The following PODXL2 variants were observed in gnomAD, a reference collection of about 807,000 sequenced individuals.
The protein encoded by PODXL2 is podocalyxin like 2, also known as podocalyxin-like protein 2.
In PODXL2, 17 loss-of-function variants were observed where a neutral mutation model predicts 53.4. The ratio of observed to expected loss-of-function variants is 0.32; its 90% CI spans 0.22 to 0.48. The LOEUF (loss-of-function observed/expected upper bound fraction) is 0.48, where lower values mean the gene tolerates loss of function less well. Among genes scored for constraint, PODXL2 ranks in the 20% least tolerant of loss-of-function variants. The pLI is 0.99. For synonymous variants in PODXL2, 311 were observed against 306.7 expected (o/e 1.01, Z -0.15); for missense variants, 673 against 760.0 (o/e 0.89, Z 1.35).
At chr3:127,645,015 ATCT>A (rs2074644280) in intron 2 of PODXL2, among the ~76,000 whole-genome samples, 1 of 152,230 alleles carries the variant, frequency 6.6e-6, no homozygotes, top group Admixed American at 6.5e-5. Flanking sequence ...GGAGTTGCCC[ATCT>A]TCTTCTCAAA....
At chr3:127,653,847 G>A (rs1195230506) in intron 2 of PODXL2, among the ~76,000 whole-genome samples, 2 of 152,194 alleles carry the variant, frequency 1.3e-5, no homozygotes, top group East Asian at 3.8e-4. Flanking sequence ...ATATGGAGAT[G>A]CAGATCTGTA....
At chr3:127,671,288 C>G in intron 6 of PODXL2, 146 bp from the exon 7 acceptor site, 1 of 701,616 alleles carries the variant, frequency 1.4e-6, no homozygotes, top group Non-Finnish European at 2.4e-6. Context: ...GAGGCAAGCC[C>G]AGGCGCCAGG....
intron 4 of PODXL2, 102 bp downstream of exon 4, chr3:127,662,413 G>T (rs975839096): frequency 5.6e-5 from 45 of 809,230 alleles, no homozygotes; most frequent in Admixed American, 1.3e-4. Context: ...GTGGGAGAAG[G>T]CTTAGTCCTT....
chr3:127,639,655 C>A, intron 2 of PODXL2, 132 bp downstream of exon 2: 1 of 875,994 alleles, frequency 1.1e-6, no homozygotes, highest in South Asian at 1.7e-5. Flanking sequence ...CTGCTGTTTA[C>A]CTGCACATCA....
At chr3:127,662,669 A>G (rs1396912152) in intron 4 of PODXL2, among the ~76,000 whole-genome samples, 1 of 152,102 alleles carries the variant, frequency 6.6e-6, no homozygotes, top group Non-Finnish European at 1.5e-5. Flanking sequence ...TTTCATATAT[A>G]TACATGCTCT....
At chr3:127,664,078 G>C (rs1050011597) in intron 4 of PODXL2, among the ~76,000 whole-genome samples, 14 of 152,078 alleles carry the variant, frequency 9.2e-5, no homozygotes, top group Admixed American at 7.9e-4. Context: ...CATTGTTGTG[G>C]AACAGAGCCC....
At position 127,672,735 on chromosome 3, in the gene PODXL2, C is replaced by G. The variant is rs1473160725; in HGVS notation, c.*255C>G. The G allele has an allele frequency of 1.7e-5, 7 of 408,280 alleles. No homozygotes were observed. The highest frequency in any genetic ancestry group is 3.0e-5 in the Non-Finnish European group (7 of 234,694). The allele number at this position is 408,280 out of a possible 1,614,324, so 25.3% of individuals were successfully genotyped here. A position where few individuals can be genotyped will look rare whatever the true frequency, so the allele number is the denominator to read the frequency against. On this transcript the variant is annotated 3_prime_UTR_variant, in exon 8 of 8. Transcript: ENST00000342480. ...CGCCCCTGAACCCCGGCCCCGCGGG[C>G]GGCGGGCGGCGCTTCCTGCGCCCCG...
At chr3:127,659,400 T>C (rs1396343125) in intron 2 of PODXL2, among the ~76,000 whole-genome samples, 1 of 152,222 alleles carries the variant, frequency 6.6e-6, no homozygotes, top group African/African-American at 2.4e-5. Context: ...GTTTTTGTCA[T>C]TTGATAAAAG....
In PODXL2 at chr3:127,629,834, T is replaced by G. The variant is rs2074531318; in HGVS notation, c.70+545T>G. 6.6e-6 allele frequency among the ~76,000 whole-genome samples: 1 copy of G among 151,818 alleles called. No individual in the cohort carries two copies. The highest frequency in any genetic ancestry group is 2.4e-5 in the African/African-American group (1 of 41,310). ...TGAGTGTGTCACGGTGAATGGGTAT[T>G]CTCTCCTGTTCTGGGCGACTCTATT... On this transcript the variant is annotated intron_variant, in intron 1 of 7. Transcript: ENST00000342480. This position sits in a 1 kb window ranked among gnomAD's most constrained non-coding sequence, Gnocchi z 6.4.
intron 2 of PODXL2, among the ~76,000 whole-genome samples, chr3:127,648,184 A>G (rs1350041381): frequency 6.6e-6 from 1 of 152,246 alleles, no homozygotes; most frequent in Non-Finnish European, 1.5e-5. Flanking sequence ...TGAGAGTTCT[A>G]CTTCAAGATC....
intron 2 of PODXL2, 102 bp from the exon 3 acceptor site, chr3:127,660,276 C>A: frequency 6.8e-7 from 1 of 1,467,442 alleles, no homozygotes; most frequent in Admixed American, 2.1e-5. Context: ...GACCCCTGCC[C>A]TGTCAGTGTA....
intron 4 of PODXL2, among the ~76,000 whole-genome samples, chr3:127,667,110 A>G (rs936795048): frequency 1.3e-5 from 2 of 152,266 alleles, no homozygotes; most frequent in Non-Finnish European, 1.5e-5. Flanking sequence ...CCAGGTACCC[A>G]TCTTCTCCCA....
At chr3:127,651,681 G>C (rs1284114315) in intron 2 of PODXL2, among the ~76,000 whole-genome samples, 2 of 152,242 alleles carry the variant, frequency 1.3e-5, no homozygotes, top group African/African-American at 4.8e-5. Flanking sequence ...TTAGGACCCT[G>C]ACCCTAACCA....
Position 127,660,866 on chromosome 3 carries a change from G to C in PODXL2, c.838G>C (p.Glu280Gln), listed in dbSNP as rs371981746. 9 of 1,614,118 alleles carry C rather than the reference G, an allele frequency of 5.6e-6. No homozygotes were observed. In the African/African-American group the frequency reaches 1.1e-4, roughly 19 times the overall value. ...LPAAGLGVEF[E>Q]APQEASEEAT... ...AGCTGCAGGGCTTGGGGTAGAGTTC[G>C]AGGCTCCTCAGGAAGCAAGCGAGGA... Residue 280 changes from glutamate to glutamine, a missense_variant, in exon 3 of 8, where the codon GAG becomes CAG. Transcript: ENST00000342480.
intron 3 of PODXL2, 58 bp from the exon 4 acceptor site, chr3:127,662,179 C>T (rs1215946399): frequency 6.7e-7 from 1 of 1,481,538 alleles, no homozygotes; most frequent in Non-Finnish European, 9.4e-7. Context: ...GGGCTCTCTC[C>T]CCTGTCCCTT....
At chr3:127,668,682 A>G (rs953723758) in intron 5 of PODXL2, 85 bp downstream of exon 5, 7 of 1,290,346 alleles carry the variant, frequency 5.4e-6, no homozygotes, top group Non-Finnish European at 7.2e-6. Flanking sequence ...AAGTGCACGC[A>G]TAAGGGCTTT....
chr3:127,654,326 T>C (rs1389947383), intron 2 of PODXL2, among the ~76,000 whole-genome samples: 1 of 152,192 alleles, frequency 6.6e-6, no homozygotes, highest in Non-Finnish European at 1.5e-5. Context: ...TGATGCTGTA[T>C]CTTCTTAGTG....
intron 2 of PODXL2, among the ~76,000 whole-genome samples, chr3:127,644,645 T>A (rs2074642287): frequency 6.6e-6 from 1 of 152,212 alleles, no homozygotes; most frequent in African/African-American, 2.4e-5. Context: ...TCTCTTCCTC[T>A]CCCATTTCCT....
intron 2 of PODXL2, among the ~76,000 whole-genome samples, chr3:127,651,194 C>T (rs1169146273): frequency 3.9e-5 from 6 of 152,182 alleles, no homozygotes; most frequent in East Asian, 1.9e-4. Flanking sequence ...ACCCAGGAGG[C>T]GGAGGTTGCA....
Sources: allele counts gnomAD v4.1 joint callset (sites outside exome capture counted in the v4.1 genomes callset), GRCh38; gene constraint gnomAD v4.1.1; non-coding constraint Gnocchi (gnomAD v3.1); transcripts MANE v1.5; gene names NCBI Gene and HGNC (gene_info 2026-07-23, HGNC 2026-07-21).